Variants in SNX5 observed in about 807,000 individuals in gnomAD.
SNX5 encodes sorting nexin-5.
A neutral mutation model predicts 53.9 loss-of-function variants in SNX5; 31 were observed. That is an observed-to-expected ratio of 0.58 (90% CI 0.43 to 0.78). The LOEUF is 0.78. Among genes scored for constraint, SNX5 ranks in the 30% least tolerant of loss-of-function variants. The pLI is 0.00. For missense variants in SNX5, 471 were observed against 478.8 expected, an observed-to-expected ratio of 0.98 and a Z score of 0.15; for synonymous variants, 168 against 171.1, an observed-to-expected ratio of 0.98 and a Z score of 0.14.
intron 3 of SNX5, 148 bp from the exon 4 acceptor site, chr20:17,954,265 C>G (rs986127112): frequency 1.6e-6 from 2 of 1,278,894 alleles, no homozygotes; most frequent in East Asian, 2.6e-5. Flanking sequence ...TTTTCTTAAC[C>G]TTCCTTAACT....
In SNX5 at chr20:17,967,490, C is replaced by G. The variant is rs546206442; in HGVS notation, c.51+885G>C. ...ATGAACAAGTTTCTCTATGGAGGTG[C>G]CTTTAACTTCTCAAGAAATGTGTAA... On this transcript the variant is annotated intron_variant, in intron 1 of 12. Transcript: ENST00000377759. 3.0e-3 allele frequency among the ~76,000 whole-genome samples: 458 copies of G among 152,222 alleles called. 2 individuals are homozygous for G. Among genetic ancestry groups the G allele is most frequent in the Non-Finnish European group, 3.9e-3 (267 of 68,008 alleles).
intron 1 of SNX5, among the ~76,000 whole-genome samples, chr20:17,959,406 AAAG>A (rs536433160): frequency 1.8e-4 from 27 of 152,212 alleles, no homozygotes; most frequent in East Asian, 3.8e-4. Context: ...ATGAAGACAA[AAAG>A]AAGAAAACCA....
In SNX5 at chr20:17,941,874, A is replaced by C. The variant is rs1366687155; in HGVS notation, c.*483T>G. On this transcript the variant is annotated 3_prime_UTR_variant, in exon 13 of 13. Coordinates refer to ENST00000377759, the MANE Select transcript of SNX5 (RefSeq NM_014426.4). ...ATTTTCTTGCTGTTGTTATAGTACA[A>C]ACACCAGATGACTACCAGTGGAGTA... is the stretch of plus-strand genomic sequence containing the variant. 1 of 154,780 alleles carries C rather than the reference A, an allele frequency of 6.5e-6. No homozygotes were observed. The highest frequency in any genetic ancestry group is 1.4e-5 in the Non-Finnish European group (1 of 69,812). 9.6% of individuals were successfully genotyped at this position (154,780 alleles called of 1,614,324 possible).
Position 17,954,481 on chromosome 20 carries a change from A to T in SNX5, c.268-364T>A, listed in dbSNP as rs546025242. ...TATAAAGTGTTCAGTATTCCAAAGG[A>T]ATTTTTTCCTAATCCCAAAGGATAA... On this transcript the variant is annotated intron_variant, in intron 3 of 12. Transcript: ENST00000377759. 3.9e-5 allele frequency among the ~76,000 whole-genome samples: 6 copies of T among 152,308 alleles called. No individual in the cohort carries two copies. In the South Asian group the frequency reaches 8.3e-4, roughly 21 times the overall value.
intron 1 of SNX5, among the ~76,000 whole-genome samples, chr20:17,965,216 GA>G (rs148283450): frequency 0.012 from 1,802 of 152,250 alleles, 31 homozygotes; most frequent in African/African-American, 0.04. Context: ...ATCACCATGG[GA>G]GGGGAGGAGG....
At chr20:17,958,601 C>G (rs988803567) in intron 1 of SNX5, among the ~76,000 whole-genome samples, 11 of 152,122 alleles carry the variant, frequency 7.2e-5, no homozygotes, top group African/African-American at 2.7e-4. Flanking sequence ...CCTCACATCT[C>G]AACCTAAGTA....
chr20:17,948,692 A>G lies in SNX5; in HGVS notation c.918+198T>C, dbSNP rs79236126. Among the ~76,000 whole-genome samples the G allele has an allele frequency of 6.3e-3, 953 of 152,322 alleles. 10 individuals are homozygous for G. Among genetic ancestry groups the G allele is most frequent in the African/African-American group, 0.022 (932 of 41,566 alleles). Reference sequence around the variant, plus strand: ...CCACATCAATGACCTATAATCCCCCAAACTATTACCTGTCTACTTCACACA... The same window carrying G: ...CCACATCAATGACCTATAATCCCCCGAACTATTACCTGTCTACTTCACACA... On this transcript the variant is annotated intron_variant, in intron 10 of 12. Transcript: ENST00000377759.
intron 11 of SNX5, 101 bp downstream of exon 11, chr20:17,947,385 G>C: frequency 7.8e-7 from 1 of 1,281,370 alleles, no homozygotes; most frequent in African/African-American, 1.5e-5. Flanking sequence ...GCTGACACTG[G>C]GTGAAGGATA....
chr20:17,953,985 A>T lies in SNX5; in HGVS notation c.389+11T>A. 4 of 1,610,726 alleles carry T rather than the reference A, an allele frequency of 2.5e-6. No individual in the cohort carries two copies. The highest frequency in any genetic ancestry group is 1.1e-5 in the South Asian group (1 of 90,832). On this transcript the variant is annotated intron_variant, in intron 4 of 12. Transcript: ENST00000377759. ...CTCAAAAGACAGAGCCCACCAGGAA[A>T]ATCCACTTACGCTTCCAGTTCTTGT...
intron 5 of SNX5, 116 bp downstream of exon 5, chr20:17,952,471 A>G (rs1285461738): frequency 1.9e-6 from 2 of 1,042,224 alleles, no homozygotes; most frequent in Non-Finnish European, 2.7e-6. Flanking sequence ...GCAGCATCTA[A>G]AAAGGTTTCC....
intron 2 of SNX5, among the ~76,000 whole-genome samples, chr20:17,956,704 A>AC (rs1568594194): frequency 8.0e-5 from 9 of 112,864 alleles, no homozygotes; most frequent in Admixed American, 6.3e-4. Context: ...AAAAAAAAAA[A>AC]CAAAAAAACA....
chr20:17,944,868 T>C (rs536738706), intron 11 of SNX5: 7 of 152,354 alleles, frequency 4.6e-5, no homozygotes, highest in South Asian at 2.1e-4. Flanking sequence ...TCTACTCCTA[T>C]TGCCATCAGA....
At chr20:17,953,569 A>C (rs1040637694) in intron 4 of SNX5, among the ~76,000 whole-genome samples, 2 of 152,182 alleles carry the variant, frequency 1.3e-5, no homozygotes, top group Non-Finnish European at 2.9e-5. Flanking sequence ...ACTTGAACTC[A>C]GGAGTTCGAG....
rs376369085 is a variant in SNX5, at chr20:17,943,177, C to T, written c.1097G>A (p.Arg366Gln). The change falls in exon 12 of 13, where the codon CGG becomes CAG. Residue 366 changes from arginine (R) to glutamine (Q), a missense_variant. Transcript: ENST00000377759. The stretch of plus-strand genomic sequence containing the variant: ...CTTTCTAAATGCTGCCACTCTCTTC[C>T]GTTTGAAATTTATCAGTTCTACAGG... ...SAKEELINFK[R>Q]KRVAAFRKNL... The T allele has an allele frequency of 1.0e-4, 163 of 1,607,584 alleles. 1 individual carries two copies. The highest frequency in any genetic ancestry group is 7.3e-4 in the South Asian group (66 of 90,886).
At chr20:17,955,752 C>T (rs1357738530) in intron 2 of SNX5, among the ~76,000 whole-genome samples, 3 of 152,086 alleles carry the variant, frequency 2.0e-5, no homozygotes, top group Admixed American at 6.6e-5. Flanking sequence ...TAAGCCACAA[C>T]CCTAATTCTA....
chr20:17,942,654 G>A, intron 12 of SNX5: 1 of 540,246 alleles, frequency 1.9e-6, no homozygotes, highest in Non-Finnish European at 3.3e-6. Flanking sequence ...CAGCACCTCT[G>A]CCCTCACCTG....
intron 1 of SNX5, among the ~76,000 whole-genome samples, chr20:17,957,568 AAAC>A (rs1228963102): frequency 6.6e-6 from 1 of 152,242 alleles, no homozygotes; most frequent in Non-Finnish European, 1.5e-5. Flanking sequence ...CCTGTAATGT[AAAC>A]AACAGCTACA....
At chr20:17,953,959 T>A in intron 4 of SNX5, 37 bp downstream of exon 4, 1 of 1,563,258 alleles carries the variant, frequency 6.4e-7, no homozygotes, top group Non-Finnish European at 8.8e-7. Context: ...CTTTTCTACT[T>A]CTCAAAAGAC....
Position 17,953,993 on chromosome 20 carries a change from T to C in SNX5, c.389+3A>G. On this transcript the variant is annotated splice_donor_region_variant and intron_variant, in intron 4 of 12. Transcript: ENST00000377759. ...ACAGAGCCCACCAGGAAAATCCACT[T>C]ACGCTTCCAGTTCTTGTTTCATCTT... 5 of 1,612,932 alleles carry C rather than the reference T, an allele frequency of 3.1e-6. No homozygotes were observed. Among genetic ancestry groups the C allele is most frequent in the Non-Finnish European group, 4.2e-6 (5 of 1,179,154 alleles).
Sources: allele counts gnomAD v4.1 joint callset (sites outside exome capture counted in the v4.1 genomes callset), GRCh38; gene constraint gnomAD v4.1.1; transcripts MANE v1.5; gene names NCBI Gene and HGNC (gene_info 2026-07-23, HGNC 2026-07-21).